The following RAD51B variants were observed in gnomAD, a reference collection of about 807,000 sequenced individuals.
RAD51B encodes RAD51 paralog B.
A neutral mutation model predicts 42.2 loss-of-function variants in RAD51B; 38 were observed. The ratio of observed to expected loss-of-function variants is 0.90; its 90% CI spans 0.70 to 1.18. The LOEUF is 1.18. RAD51B is among the 50% of genes most tolerant of loss of function. The probability of loss-of-function intolerance (pLI) is 0.00; values close to 1 mark genes in which losing one functional copy is unlikely to be tolerated. For synonymous variants in RAD51B, 154 were observed against 145.2 expected, an observed-to-expected ratio of 1.06 and a Z score of -0.43; for missense variants, 373 against 400.7, an observed-to-expected ratio of 0.93 and a Z score of 0.59.
intron 7 of RAD51B, among the ~76,000 whole-genome samples, chr14:68,200,480 C>T (rs1157034026): frequency 1.3e-5 from 2 of 152,082 alleles, no homozygotes; most frequent in Non-Finnish European, 2.9e-5. Context: ...AATTCTTGAA[C>T]AGAGCAAAAA....
At chr14:68,329,016 A>G (rs1258934249) in intron 8 of RAD51B, among the ~76,000 whole-genome samples, 2 of 151,942 alleles carry the variant, frequency 1.3e-5, no homozygotes, top group Non-Finnish European at 1.5e-5. Context: ...TTATTTATGT[A>G]TATATTTTTT....
chr14:68,385,788 T>C lies in RAD51B; in HGVS notation c.854-25636T>C, dbSNP rs80276219. Among the ~76,000 whole-genome samples the C allele has an allele frequency of 6.6e-3, 1,001 of 152,308 alleles. 6 individuals are homozygous for C. The highest frequency in any genetic ancestry group is 0.023 in the African/African-American group (952 of 41,568). ...ATAATTTGTGATGTCTTTTTCAGCTTTAAGTATGAAAATGATATGCTAATT... is the reference window on the plus strand; with the variant it reads ...ATAATTTGTGATGTCTTTTTCAGCTCTAAGTATGAAAATGATATGCTAATT... On this transcript the variant is annotated intron_variant, in intron 8 of 10. Coordinates refer to ENST00000471583, the MANE Select transcript of RAD51B (RefSeq NM_133510.4).
Position 68,296,707 on chromosome 14 carries a change from G to T in RAD51B, c.853+4727G>T, listed in dbSNP as rs1047370193. Among the ~76,000 whole-genome samples the T allele has an allele frequency of 4.6e-5, 7 of 152,240 alleles. 1 individual carries two copies. In the East Asian group the frequency reaches 5.8e-4, roughly 13 times the overall value. Reference sequence around the variant, plus strand: ...GACCATTGGCTTGCTTTCTTCTGACGATTTAACAGAGTAGCAGTTACTTCA... The same window carrying T: ...GACCATTGGCTTGCTTTCTTCTGACTATTTAACAGAGTAGCAGTTACTTCA... On this transcript the variant is annotated intron_variant, in intron 8 of 10. Coordinates refer to ENST00000471583, the MANE Select transcript of RAD51B (RefSeq NM_133510.4).
chr14:68,260,120 C>G (rs1413276427), intron 7 of RAD51B, among the ~76,000 whole-genome samples: 1 of 151,936 alleles, frequency 6.6e-6, no homozygotes, highest in African/African-American at 2.4e-5. Context: ...CAGAGGAGGC[C>G]TCTATGAGGA....
intron 8 of RAD51B, among the ~76,000 whole-genome samples, chr14:68,364,039 G>T (rs1289447691): frequency 6.6e-6 from 1 of 152,212 alleles, no homozygotes; most frequent in East Asian, 1.9e-4. Context: ...TGCGGGGAGT[G>T]TGTGGCGAAG....
At chr14:68,322,121 T>C (rs1399950606) in intron 8 of RAD51B, among the ~76,000 whole-genome samples, 1 of 152,198 alleles carries the variant, frequency 6.6e-6, no homozygotes, top group Non-Finnish European at 1.5e-5. Flanking sequence ...TAGCATGTAG[T>C]AAGCACTAGA....
At chr14:67,956,562 T>C (rs2074552043) in intron 7 of RAD51B, among the ~76,000 whole-genome samples, 1 of 152,212 alleles carries the variant, frequency 6.6e-6, no homozygotes, top group African/African-American at 2.4e-5. Context: ...ATGAGCAAGA[T>C]AAAATTCCTT....
At chr14:67,995,313 G>A (rs2075361770) in intron 7 of RAD51B, among the ~76,000 whole-genome samples, 1 of 151,928 alleles carries the variant, frequency 6.6e-6, no homozygotes, top group Non-Finnish European at 1.5e-5. Flanking sequence ...CTTGAACCTG[G>A]GAGGCAGAGG....
chr14:68,074,428 A>G (rs528765024), intron 7 of RAD51B, among the ~76,000 whole-genome samples: 1 of 152,056 alleles, frequency 6.6e-6, no homozygotes, highest in Non-Finnish European at 1.5e-5. Flanking sequence ...CTCTTGAATC[A>G]TTTGATTGGA....
At chr14:68,455,213 T>G (rs1431165583) in intron 9 of RAD51B, among the ~76,000 whole-genome samples, 1 of 152,210 alleles carries the variant, frequency 6.6e-6, no homozygotes, top group Non-Finnish European at 1.5e-5. Context: ...AGAAGGTAAT[T>G]GAATAACATA....
chr14:68,033,071 A>C (rs1249278742), intron 7 of RAD51B, among the ~76,000 whole-genome samples: 1 of 152,138 alleles, frequency 6.6e-6, no homozygotes, highest in Non-Finnish European at 1.5e-5. Flanking sequence ...CATGGTGCTC[A>C]TGACATTTTA....
intron 8 of RAD51B, among the ~76,000 whole-genome samples, chr14:68,321,171 A>G (rs371178418): frequency 2.3e-4 from 35 of 152,294 alleles, no homozygotes; most frequent in African/African-American, 7.9e-4. Context: ...CCCACCAAAA[A>G]AGTAAAACTA....
chr14:67,896,193 C>T (rs553949937), intron 7 of RAD51B, among the ~76,000 whole-genome samples: 1 of 152,210 alleles, frequency 6.6e-6, no homozygotes, highest in African/African-American at 2.4e-5. Flanking sequence ...CACACTTTTT[C>T]TAGTTAGGCA....
At chr14:68,032,721 T>C (rs1369037306) in intron 7 of RAD51B, among the ~76,000 whole-genome samples, 1 of 152,234 alleles carries the variant, frequency 6.6e-6, no homozygotes, top group Non-Finnish European at 1.5e-5. Context: ...ACACTATAGA[T>C]AGAGTGATAA....
intron 7 of RAD51B, among the ~76,000 whole-genome samples, chr14:67,966,476 T>C (rs2074780892): frequency 6.6e-6 from 1 of 152,254 alleles, no homozygotes; most frequent in African/African-American, 2.4e-5. Context: ...TGTATTAACA[T>C]AGTATCTTCA....
chr14:68,104,099 A>G (rs1461472887), intron 7 of RAD51B, among the ~76,000 whole-genome samples: 1 of 152,190 alleles, frequency 6.6e-6, no homozygotes, highest in Non-Finnish European at 1.5e-5. Flanking sequence ...CAAGGTAACA[A>G]CGTACACAGA....
chr14:67,958,618 C>T (rs991151391), intron 7 of RAD51B, among the ~76,000 whole-genome samples: 1 of 152,098 alleles, frequency 6.6e-6, no homozygotes, highest in South Asian at 2.1e-4. Context: ...TATTTTCATT[C>T]CTTTTCTTAT....
intron 7 of RAD51B, among the ~76,000 whole-genome samples, chr14:68,201,171 A>C (rs1259786030): frequency 6.6e-6 from 1 of 152,184 alleles, no homozygotes; most frequent in Non-Finnish European, 1.5e-5. Flanking sequence ...TTTTTTTCTC[A>C]AGTACTGTTA....
At chr14:67,853,426 A>G (rs565003571) in intron 4 of RAD51B, among the ~76,000 whole-genome samples, 28 of 152,320 alleles carry the variant, frequency 1.8e-4, no homozygotes, top group African/African-American at 5.8e-4. Context: ...AACTGAATAT[A>G]TAAGTATACC....
Sources: allele counts gnomAD v4.1 joint callset (sites outside exome capture counted in the v4.1 genomes callset), GRCh38; gene constraint gnomAD v4.1.1; transcripts MANE v1.5; gene names NCBI Gene and HGNC (gene_info 2026-07-23, HGNC 2026-07-21).